Variants in TBX10 observed in about 807,000 individuals in gnomAD.
The protein encoded by TBX10 is T-box transcription factor 10, also known as T-box transcription factor TBX10.
TBX10 carries 26 observed loss-of-function variants against 32.4 expected under a neutral mutation model. That is an observed-to-expected ratio of 0.80 (90% CI 0.59 to 1.11). The LOEUF (loss-of-function observed/expected upper bound fraction) is 1.11, where lower values mean the gene tolerates loss of function less well. Among genes scored for constraint, TBX10 ranks in the 50% most tolerant of loss-of-function variants. The probability of loss-of-function intolerance (pLI) is 0.00; values close to 1 mark genes in which losing one functional copy is unlikely to be tolerated. For synonymous variants in TBX10, 195 were observed against 203.1 expected (o/e 0.96, Z 0.34); for missense variants, 490 against 494.5 (o/e 0.99, Z 0.09).
intron 7 of TBX10, 113 bp downstream of exon 7, chr11:67,632,205 G>A (rs1591122895): frequency 3.2e-6 from 4 of 1,239,780 alleles, no homozygotes; most frequent in South Asian, 1.2e-5. Context: ...TCCACACAGG[G>A]GCCCTGTGGG....
rs1591126809 is a variant in TBX10, at chr11:67,639,587, A to G, written c.-115T>C. 2 of 1,378,720 alleles carry G rather than the reference A, an allele frequency of 1.5e-6. No homozygotes were observed. Among genetic ancestry groups the G allele is most frequent in the Non-Finnish European group, 2.0e-6 (2 of 979,894 alleles). The allele number at this position is 1,378,720 out of a possible 1,614,324, so 85.4% of individuals were successfully genotyped here. On this transcript the variant is annotated 5_prime_UTR_variant, in exon 1 of 8. Coordinates refer to ENST00000335385, the MANE Select transcript of TBX10 (RefSeq NM_005995.5). ...CACTCGGCACCTCAGCTCAGCCCTC[A>G]GGTGCTCACACAAGCTGTAGTCTCT...
In TBX10 at chr11:67,632,600, T is replaced by C. The variant is rs766833438; in HGVS notation, c.773+3A>G. 18 of 1,613,994 alleles carry C rather than the reference T, an allele frequency of 1.1e-5. No individual in the cohort carries two copies. The South Asian group carries it at 1.8e-4, about 16-fold the overall frequency. On this transcript the variant is annotated splice_donor_region_variant and intron_variant, in intron 6 of 7. Transcript: ENST00000335385. ...AGGGGCTAGGGTCAGGGTCAGACAG[T>C]ACCAGGAGTCCAGGTCACTCTCTCT...
At chr11:67,639,061 TC>T (rs756041725) in intron 1 of TBX10, among the ~76,000 whole-genome samples, 12 of 152,180 alleles carry the variant, frequency 7.9e-5, no homozygotes, top group Non-Finnish European at 1.5e-4. Context: ...GGGGAGCCTG[TC>T]CTTTGCTCAG....
chr11:67,631,443 C>T lies in TBX10; in HGVS notation c.*162G>A, dbSNP rs577211836. On this transcript the variant is annotated 3_prime_UTR_variant, in exon 8 of 8. Coordinates refer to ENST00000335385, the MANE Select transcript of TBX10 (RefSeq NM_005995.5). The stretch of plus-strand genomic sequence containing the variant: ...CCTGGTTCCAAGCTTGCCATGGTCC[C>T]AGCCTTGCTGTGACCCTGGGCAGGT... 1.1e-6 allele frequency: 1 copy of T among 898,520 alleles called. No homozygotes were observed. Among genetic ancestry groups the T allele is most frequent in the South Asian group, 1.7e-5 (1 of 60,138 alleles). 55.7% of individuals were successfully genotyped at this position (898,520 alleles called of 1,614,324 possible). A position where few individuals can be genotyped will look rare whatever the true frequency, so the allele number is the denominator to read the frequency against.
chr11:67,635,371 AG>A, intron 1 of TBX10, 108 bp from the exon 2 acceptor site: 2 of 1,500,610 alleles, frequency 1.3e-6, no homozygotes, highest in African/African-American at 1.4e-5. Context: ...CCTGACTGCC[AG>A]GGCTGTGTTC....
intron 4 of TBX10, 146 bp from the exon 5 acceptor site, chr11:67,633,249 G>A: frequency 9.5e-7 from 1 of 1,051,730 alleles, no homozygotes; most frequent in Non-Finnish European, 1.4e-6. Flanking sequence ...GAGCTGGAGA[G>A]GCTGCAGTTC....
chr11:67,638,721 G>A (rs1855365267), intron 1 of TBX10, among the ~76,000 whole-genome samples: 1 of 152,202 alleles, frequency 6.6e-6, no homozygotes, highest in Non-Finnish European at 1.5e-5. Context: ...TCGCGGGGGA[G>A]GGGGCGTCTT....
In TBX10 at chr11:67,634,862, A is replaced by G. The variant is rs117056541; in HGVS notation, c.331T>C (p.Tyr111His). Residue 111 changes from tyrosine (Y) to histidine (H), a missense_variant, in exon 3 of 8, where the codon TAC (tyrosine) becomes CAC (histidine). Transcript: ENST00000335385. ...KILGMDSLAD[Y>H]ALLMDFIPLD... is the part of the protein sequence containing the mutation. ...GGGATGAAGTCCATGAGCAGGGCGT[A>G]GTCGGCCAGGGAGTCCATGCCCAGG... The G allele has an allele frequency of 1.2e-6, 2 of 1,613,486 alleles. No homozygotes were observed. Among genetic ancestry groups the G allele is most frequent in the African/African-American group, 1.3e-5 (1 of 75,038 alleles).
At chr11:67,632,563 G>A (rs1215135774) in intron 6 of TBX10, 40 bp downstream of exon 6, 1 of 1,606,958 alleles carries the variant, frequency 6.2e-7, no homozygotes, top group Admixed American at 1.7e-5. Flanking sequence ...GGATATGCCT[G>A]GGGTGGGGGT....
intron 1 of TBX10, among the ~76,000 whole-genome samples, chr11:67,637,527 A>G (rs1432200361): frequency 6.6e-6 from 1 of 152,192 alleles, no homozygotes; most frequent in Admixed American, 6.5e-5. Context: ...CTGATTGGCT[A>G]GTAACTTAGA....
chr11:67,632,605 G>A lies in TBX10; in HGVS notation c.771C>T (p.Ser257=). The part of the protein sequence containing the change: ...AKGFRESDLD[S]WPVAPRPLLS... ...CTAGGGTCAGGGTCAGACAGTACCAGGAGTCCAGGTCACTCTCTCTAAAGC... is the reference window on the plus strand; with the variant it reads ...CTAGGGTCAGGGTCAGACAGTACCAAGAGTCCAGGTCACTCTCTCTAAAGC... The change falls in exon 6 of 8, where the codon TCC becomes TCT. Residue 257 remains serine (S), a splice_region_variant and synonymous_variant. Coordinates refer to ENST00000335385, the MANE Select transcript of TBX10 (RefSeq NM_005995.5). The A allele has an allele frequency of 6.2e-7, 1 of 1,614,060 alleles. No individual in the cohort carries two copies. Among genetic ancestry groups the A allele is most frequent in the African/African-American group, 1.3e-5 (1 of 75,056 alleles).
chr11:67,635,003 C>T lies in TBX10; in HGVS notation c.268G>A (p.Ala90Thr), dbSNP rs1228004931. 1.9e-6 allele frequency: 3 copies of T among 1,613,480 alleles called. No individual in the cohort carries two copies. ...CGCCCCCGCTGCTCACACCTGCCTG[C>T]CTTGGTGACGATCATCTCAGTGCCC... ...QLGTEMIVTK[A>T]GRRMFPPFQV... The change falls in exon 2 of 8, where the codon GCA (alanine) becomes ACA (threonine). Residue 90 changes from alanine to threonine, a missense_variant. Ala to Thr is a moderately conservative substitution (Grantham distance 58). Around this residue, in one of 3 missense-constraint regions of TBX10, gnomAD observed 307 missense variants for 294.9 expected, o/e 1.04. Transcript: ENST00000335385.
At position 67,635,185 on chromosome 11, in the gene TBX10, G is replaced by C; in HGVS notation, c.86C>G (p.Pro29Arg). Reference protein sequence around the residue: ...PLPTTSSGWEPRLGSPFPSGP... With the variant: ...PLPTTSSGWERRLGSPFPSGP... ...TGATGGGAATGGTGACCCCAGCCGG[G>C]GCTCCCAGCCAGAGCTGGTTGTAGG... Residue 29 changes from proline to arginine, a missense_variant, in exon 2 of 8, where the codon CCC becomes CGC. Around this residue, in one of 3 missense-constraint regions of TBX10, gnomAD observed 307 missense variants for 294.9 expected, o/e 1.04. Coordinates refer to ENST00000335385, the MANE Select transcript of TBX10 (RefSeq NM_005995.5). 6.2e-7 allele frequency: 1 copy of C among 1,613,880 alleles called. No individual in the cohort carries two copies.
At position 67,639,685 on chromosome 11, in the gene TBX10, G is replaced by C; in HGVS notation, c.-213C>G. 1 of 656,998 alleles carries C rather than the reference G, an allele frequency of 1.5e-6. No individual in the cohort carries two copies. The highest frequency in any genetic ancestry group is 2.7e-6 in the Non-Finnish European group (1 of 367,180). The allele number at this position is 656,998 out of a possible 1,614,324, so 40.7% of individuals were successfully genotyped here. A position where few individuals can be genotyped will look rare whatever the true frequency, so the allele number is the denominator to read the frequency against. ...AGGTCGTGGTCTTCCTACTCGAGCT[G>C]GACCCCTGGTCTCCGAAGGTGAGAT... On this transcript the variant is annotated 5_prime_UTR_variant, in exon 1 of 8. Transcript: ENST00000335385.
At chr11:67,635,310 G>C in intron 1 of TBX10, 47 bp from the exon 2 acceptor site, 1 of 1,611,062 alleles carries the variant, frequency 6.2e-7, no homozygotes, top group Non-Finnish European at 8.5e-7. Context: ...CACCCAGCCA[G>C]CTCTTATCCT....
intron 1 of TBX10, among the ~76,000 whole-genome samples, chr11:67,638,045 A>G (rs1253323203): frequency 6.6e-6 from 1 of 152,030 alleles, no homozygotes; most frequent in East Asian, 1.9e-4. Context: ...TATCTCTACT[A>G]AAAATACAAA....
Position 67,631,913 on chromosome 11 carries a change from G to A in TBX10, c.869-19C>T. On this transcript the variant is annotated intron_variant, in intron 7 of 7. Transcript: ENST00000335385. The stretch of plus-strand genomic sequence containing the variant: ...TTGGGGTCTGAGGGAGGAAATGAGT[G>A]GACTCTGGGCCTCCCATCGCATCCT... The A allele has an allele frequency of 6.4e-7, 1 of 1,559,470 alleles. No homozygotes were observed. Among genetic ancestry groups the A allele is most frequent in the Non-Finnish European group, 8.7e-7 (1 of 1,150,444 alleles).
chr11:67,632,476 G>A (rs1428293573), intron 6 of TBX10, 64 bp from the exon 7 acceptor site: 3 of 1,587,446 alleles, frequency 1.9e-6, no homozygotes, highest in South Asian at 2.2e-5. Flanking sequence ...AGGGATCATG[G>A]CCAGCTTCAG....
intron 3 of TBX10, 132 bp from the exon 4 acceptor site, chr11:67,634,492 C>T (rs1855293311): frequency 9.1e-7 from 1 of 1,104,436 alleles, no homozygotes; most frequent in Non-Finnish European, 1.3e-6. Context: ...CTAAGGAACC[C>T]AAGGCTCAAG....
Sources: gnomAD v4.1 joint callset for allele counts (sites outside exome capture counted in the v4.1 genomes callset) on GRCh38, gnomAD v4.1.1 for gene constraint, gnomAD v4.1.1 regional missense constraint, MANE v1.5 for transcripts, NCBI Gene and HGNC (gene_info 2026-07-23, HGNC 2026-07-21) for gene names.